GPHN: variants seen among roughly 807,000 people sequenced by gnomAD.
GPHN encodes the protein gephyrin.
GPHN carries 17 observed loss-of-function variants against 95.5 expected under a neutral mutation model. The ratio of observed to expected loss-of-function variants is 0.18; its 90% CI spans 0.12 to 0.27. The LOEUF (loss-of-function observed/expected upper bound fraction) is 0.27. Among genes scored for constraint, GPHN ranks in the 10% least tolerant of loss-of-function variants. The probability of loss-of-function intolerance (pLI) is 1.00; values close to 1 mark genes in which losing one functional copy is unlikely to be tolerated. For synonymous variants in GPHN, 320 were observed against 322.5 expected, an observed-to-expected ratio of 0.99 and a Z score of 0.08; for missense variants, 660 against 978.1, an observed-to-expected ratio of 0.67 and a Z score of 4.34.
intron 1 of GPHN, among the ~76,000 whole-genome samples, chr14:66,566,268 A>T (rs1353419218): frequency 6.6e-6 from 1 of 152,150 alleles, no homozygotes; most frequent in Non-Finnish European, 1.5e-5. Flanking sequence ...AAAGGAAGAA[A>T]TGCCACCATT....
At chr14:67,563,042 AC>A in the GPHN span, 1 of 753,054 alleles carries the variant, frequency 1.3e-6, no homozygotes, top group Non-Finnish European at 2.1e-6. Context: ...GCCTGTGCAG[AC>A]CACACAACCA....
At chr14:67,709,344 G>T in the GPHN span, among the ~76,000 whole-genome samples, 4 of 152,118 alleles carry the variant, frequency 2.6e-5, no homozygotes, top group South Asian at 8.3e-4. Context: ...ACAGCATGAA[G>T]CCAATTAAAT....
the GPHN span, among the ~76,000 whole-genome samples, chr14:67,492,288 C>T: frequency 1.3e-5 from 2 of 152,220 alleles, no homozygotes; most frequent in Non-Finnish European, 2.9e-5. Context: ...TAATTAGCTG[C>T]CTGGCCGCCG....
intron 3 of GPHN, among the ~76,000 whole-genome samples, chr14:66,812,279 T>C (rs2060794540): frequency 2.6e-5 from 4 of 152,228 alleles, no homozygotes; most frequent in Non-Finnish European, 5.9e-5. Context: ...TAGCAGAGTT[T>C]GCAGTTAGGT....
chr14:67,111,798 G>A lies in GPHN; in HGVS notation c.1414-63G>A. 3.3e-6 allele frequency: 4 copies of A among 1,204,232 alleles called. No individual in the cohort carries two copies. The South Asian group carries it at 4.8e-5, about 15-fold the overall frequency. 74.6% of individuals were successfully genotyped at this position (1,204,232 alleles called of 1,614,324 possible). A position where few individuals can be genotyped will look rare whatever the true frequency, so the allele number is the denominator to read the frequency against. On this transcript the variant is annotated intron_variant, in intron 14 of 22. Transcript: ENST00000478722. The stretch of plus-strand genomic sequence containing the variant: ...GGCCTATCTGATGGTAAAAGTATCG[G>A]AGTAACTAAATTCTACTGCTCAGAA...
the GPHN span, among the ~76,000 whole-genome samples, chr14:67,526,064 T>C: frequency 1.5e-4 from 23 of 152,362 alleles, no homozygotes; most frequent in African/African-American, 5.3e-4. Context: ...CTGTCAGCTC[T>C]ACCTGATTCC....
At chr14:66,928,127 A>C (rs577226314) in intron 8 of GPHN, among the ~76,000 whole-genome samples, 45 of 152,208 alleles carry the variant, frequency 3.0e-4, no homozygotes, top group Admixed American at 2.7e-3. Context: ...GTTCTTCTTT[A>C]AATATTTTGT....
intron 2 of GPHN, among the ~76,000 whole-genome samples, chr14:66,760,111 T>C (rs1418944964): frequency 6.6e-6 from 1 of 152,192 alleles, no homozygotes; most frequent in Non-Finnish European, 1.5e-5. Flanking sequence ...TTTCTACTTA[T>C]TCATTTACTA....
Position 66,508,475 on chromosome 14 carries a change from C to A in GPHN, c.-53C>A. Reference sequence around the variant, plus strand: ...CGAGCGCGCTCCCGGCCCGCGCGCTCCGGGCTCCGGTTTCTCCCGGCTCCT... The same window carrying A: ...CGAGCGCGCTCCCGGCCCGCGCGCTACGGGCTCCGGTTTCTCCCGGCTCCT... On this transcript the variant is annotated 5_prime_UTR_variant, in exon 1 of 23. Coordinates refer to ENST00000478722, the MANE Select transcript of GPHN (RefSeq NM_020806.5). 2.5e-6 allele frequency: 4 copies of A among 1,571,692 alleles called. No individual in the cohort carries two copies. The South Asian group carries it at 4.4e-5, about 17-fold the overall frequency.
chr14:67,726,923 C>T, the GPHN span: 2 of 1,512,338 alleles, frequency 1.3e-6, no homozygotes, highest in Non-Finnish European at 1.8e-6. Context: ...TTGGCTCCCA[C>T]ATGCTGAGCC....
chr14:67,282,208 TTCTTGTTCATAA>T, the GPHN span, among the ~76,000 whole-genome samples: 2 of 152,170 alleles, frequency 1.3e-5, no homozygotes, highest in Non-Finnish European at 2.9e-5. Context: ...AAACTTTTTT[TTCTTGTTCATAA>T]TCTGCTAACA....
the GPHN span, among the ~76,000 whole-genome samples, chr14:67,510,002 C>T: frequency 2.1e-5 from 3 of 144,976 alleles, no homozygotes; most frequent in African/African-American, 7.5e-5. Context: ...AGAGAGAGAA[C>T]CCGTCTCTAA....
the GPHN span, among the ~76,000 whole-genome samples, chr14:67,439,533 G>GTTTCTTTCCTTC: frequency 1.0e-5 from 1 of 96,062 alleles, no homozygotes; most frequent in Non-Finnish European, 2.1e-5. Context: ...AAATTCAATA[G>GTTTCTTTCCTTC]TTTCTTTCTT....
chr14:67,272,905 G>A, the GPHN span, among the ~76,000 whole-genome samples: 1 of 152,090 alleles, frequency 6.6e-6, no homozygotes, highest in Non-Finnish European at 1.5e-5. Context: ...CTAGTCTTAA[G>A]TGATCCACAG....
intron 2 of GPHN, among the ~76,000 whole-genome samples, chr14:66,684,839 G>T (rs915859409): frequency 6.6e-6 from 1 of 151,844 alleles, no homozygotes; most frequent in African/African-American, 2.4e-5. Flanking sequence ...CCATGTTGGT[G>T]TGCTGCACTC....
intron 17 of GPHN, among the ~76,000 whole-genome samples, chr14:67,138,791 C>T (rs2153702164): frequency 6.7e-6 from 1 of 148,810 alleles, no homozygotes; most frequent in South Asian, 2.2e-4. Flanking sequence ...GAATCATGTT[C>T]ATTTCATTCC....
the GPHN span, among the ~76,000 whole-genome samples, chr14:67,408,157 A>T: frequency 6.6e-6 from 1 of 151,846 alleles, no homozygotes; most frequent in Non-Finnish European, 1.5e-5. Context: ...GTGGTGGTGC[A>T]TGCCTGTAAT....
chr14:66,564,474 G>A (rs2060380388), intron 1 of GPHN, among the ~76,000 whole-genome samples: 1 of 152,060 alleles, frequency 6.6e-6, no homozygotes. Context: ...TAAAAAATGG[G>A]TCTTGGGTAA....
chr14:67,259,712 C>T, the GPHN span, among the ~76,000 whole-genome samples: 1 of 151,908 alleles, frequency 6.6e-6, no homozygotes, highest in East Asian at 1.9e-4. Context: ...GAATTTAAGA[C>T]CAGCCTGGGC....
Sources: gnomAD v4.1 joint callset for allele counts (sites outside exome capture counted in the v4.1 genomes callset) on GRCh38, gnomAD v4.1.1 for gene constraint, MANE v1.5 for transcripts, NCBI Gene and HGNC (gene_info 2026-07-23, HGNC 2026-07-21) for gene names.